The following KCTD8 variants were observed in gnomAD, a reference collection of about 807,000 sequenced individuals.
KCTD8 encodes the protein potassium channel tetramerization domain containing 8, also known as BTB/POZ domain-containing protein KCTD8.
A neutral mutation model predicts 31.5 loss-of-function variants in KCTD8; 27 were observed. The observed-to-expected ratio is 0.86, with a 90% CI of 0.63 to 1.18. The LOEUF (loss-of-function observed/expected upper bound fraction) is 1.18. Among genes scored for constraint, KCTD8 ranks in the 50% most tolerant of loss-of-function variants. The pLI, the probability that KCTD8 is intolerant of heterozygous loss-of-function variation, is 0.00. For missense variants in KCTD8, 658 were observed against 647.7 expected, an observed-to-expected ratio of 1.02 and a Z score of -0.17; for synonymous variants, 290 against 280.0, an observed-to-expected ratio of 1.04 and a Z score of -0.36.
intron 1 of KCTD8, among the ~76,000 whole-genome samples, chr4:44,207,361 T>A (rs1325355490): frequency 6.6e-6 from 1 of 152,194 alleles, no homozygotes; most frequent in Non-Finnish European, 1.5e-5. Flanking sequence ...ATACCCCATC[T>A]CTACTTCTTC....
chr4:44,439,198 A>G (rs1366207541), intron 1 of KCTD8, among the ~76,000 whole-genome samples: 1 of 152,162 alleles, frequency 6.6e-6, no homozygotes, highest in Non-Finnish European at 1.5e-5. Context: ...TATAATATGA[A>G]TCCTATTCTC....
At chr4:44,178,625 G>GA (rs199684902) in intron 1 of KCTD8, among the ~76,000 whole-genome samples, 9 of 151,992 alleles carry the variant, frequency 5.9e-5, no homozygotes, top group Admixed American at 4.6e-4. Flanking sequence ...AATAAGTGAT[G>GA]AAAAAAATAA....
chr4:44,280,179 G>A (rs1026116494), intron 1 of KCTD8, among the ~76,000 whole-genome samples: 28 of 151,962 alleles, frequency 1.8e-4, no homozygotes, highest in Admixed American at 1.1e-3. Context: ...ATTACAAAGA[G>A]CATGCCAAGG....
intron 1 of KCTD8, among the ~76,000 whole-genome samples, chr4:44,266,395 A>G (rs1216201929): frequency 6.6e-6 from 1 of 152,258 alleles, no homozygotes; most frequent in East Asian, 1.9e-4. Context: ...TGAAGGAAGC[A>G]GTAAACATGG....
At chr4:44,209,235 A>C (rs1430148867) in intron 1 of KCTD8, among the ~76,000 whole-genome samples, 1 of 152,088 alleles carries the variant, frequency 6.6e-6, no homozygotes, top group Non-Finnish European at 1.5e-5. Flanking sequence ...TGGAATAGAG[A>C]AGCTCTGTGA....
intron 1 of KCTD8, among the ~76,000 whole-genome samples, chr4:44,262,132 C>CAAGATTA (rs1190730177): frequency 6.6e-6 from 1 of 151,962 alleles, no homozygotes; most frequent in Non-Finnish European, 1.5e-5. Context: ...AACGGTTTCT[C>CAAGATTA]AAGATTAACA....
At chr4:44,419,729 A>G (rs969464614) in intron 1 of KCTD8, among the ~76,000 whole-genome samples, 1 of 152,132 alleles carries the variant, frequency 6.6e-6, no homozygotes, top group Non-Finnish European at 1.5e-5. Flanking sequence ...AAGGGATAGC[A>G]TTAGGAGAAA....
At chr4:44,258,762 C>T (rs766885777) in intron 1 of KCTD8, among the ~76,000 whole-genome samples, 5 of 151,882 alleles carry the variant, frequency 3.3e-5, no homozygotes, top group East Asian at 1.9e-4. Context: ...GTATTTGCTA[C>T]TTATATTAAC....
In KCTD8 at chr4:44,216,314, C is replaced by A. The variant is rs144145043; in HGVS notation, c.962-41064G>T. Among the ~76,000 whole-genome samples the A allele has an allele frequency of 4.9e-3, 739 of 152,100 alleles. 12 individuals are homozygous for A. Among genetic ancestry groups the A allele is most frequent in the East Asian group, 0.012 (63 of 5,176 alleles). The stretch of plus-strand genomic sequence containing the variant: ...TATACAGTAAGTAGATATATTAAAT[C>A]GTATTGTGATATTATTACTAGGTTT... On this transcript the variant is annotated intron_variant, in intron 1 of 1. Coordinates refer to ENST00000360029, the MANE Select transcript of KCTD8 (RefSeq NM_198353.3).
chr4:44,307,155 A>C (rs1717828295), intron 1 of KCTD8, among the ~76,000 whole-genome samples: 1 of 152,042 alleles, frequency 6.6e-6, no homozygotes, highest in African/African-American at 2.4e-5. Flanking sequence ...TAGTAAAGCT[A>C]GTCAAAATGC....
At chr4:44,399,098 A>G (rs1318750303) in intron 1 of KCTD8, among the ~76,000 whole-genome samples, 1 of 152,194 alleles carries the variant, frequency 6.6e-6, no homozygotes, top group Non-Finnish European at 1.5e-5. Context: ...TAAACATGAC[A>G]GAGCTACATC....
In KCTD8 at chr4:44,333,611, T is replaced by A. The variant is rs554808213; in HGVS notation, c.961+113952A>T. ...TACCAGTCATTGACCTTACCACTCATCCATTTCCTCACACATTTATTAAGT... is the reference window on the plus strand; with the variant it reads ...TACCAGTCATTGACCTTACCACTCAACCATTTCCTCACACATTTATTAAGT... On this transcript the variant is annotated intron_variant, in intron 1 of 1. Transcript: ENST00000360029. Among the ~76,000 whole-genome samples the A allele has an allele frequency of 2.9e-4, 44 of 152,222 alleles. No individual in the cohort carries two copies. In the Middle Eastern group the frequency reaches 0.014, roughly 47 times the overall value.
intron 1 of KCTD8, among the ~76,000 whole-genome samples, chr4:44,242,038 A>G (rs899505996): frequency 6.6e-6 from 1 of 152,188 alleles, no homozygotes; most frequent in Admixed American, 6.5e-5. Flanking sequence ...GCTTTTTGTG[A>G]TCACTCCAGC....
At chr4:44,407,677 C>T (rs190202880) in intron 1 of KCTD8, among the ~76,000 whole-genome samples, 1 of 152,188 alleles carries the variant, frequency 6.6e-6, no homozygotes, top group Admixed American at 6.5e-5. Context: ...TGAGCCACCG[C>T]ACCCAGCAGA....
intron 1 of KCTD8, among the ~76,000 whole-genome samples, chr4:44,434,539 T>G (rs1560454019): frequency 6.6e-6 from 1 of 151,894 alleles, no homozygotes; most frequent in Non-Finnish European, 1.5e-5. Flanking sequence ...ATAAGATGTC[T>G]ATACTCACCC....
chr4:44,228,329 T>C (rs1715022475), intron 1 of KCTD8, among the ~76,000 whole-genome samples: 1 of 152,100 alleles, frequency 6.6e-6, no homozygotes, highest in African/African-American at 2.4e-5. Flanking sequence ...TCTCCTCTTA[T>C]TAGGACGTAA....
intron 1 of KCTD8, among the ~76,000 whole-genome samples, chr4:44,353,762 G>T (rs1054554286): frequency 6.6e-6 from 1 of 151,976 alleles, no homozygotes; most frequent in African/African-American, 2.4e-5. Flanking sequence ...CATCTAAAAT[G>T]GAAGCTTAGG....
chr4:44,308,499 T>A (rs960440846), intron 1 of KCTD8, among the ~76,000 whole-genome samples: 2 of 152,120 alleles, frequency 1.3e-5, no homozygotes, highest in African/African-American at 2.4e-5. Flanking sequence ...AAACTATGCA[T>A]AATTTAACCC....
At chr4:44,363,713 C>G (rs1172329813) in intron 1 of KCTD8, among the ~76,000 whole-genome samples, 1 of 152,100 alleles carries the variant, frequency 6.6e-6, no homozygotes, top group African/African-American at 2.4e-5. Flanking sequence ...ACAGTAGTCA[C>G]TTTTATTGCT....
Sources: allele counts gnomAD v4.1 joint callset (sites outside exome capture counted in the v4.1 genomes callset), GRCh38; gene constraint gnomAD v4.1.1; transcripts MANE v1.5; gene names NCBI Gene and HGNC (gene_info 2026-07-23, HGNC 2026-07-21).